The following PKNOX2 variants were observed in gnomAD, a reference collection of about 807,000 sequenced individuals.
The protein encoded by PKNOX2 is homeobox protein PKNOX2.
Under a neutral mutation model 53.1 loss-of-function variants are expected in PKNOX2, and 14 were observed. The ratio of observed to expected loss-of-function variants is 0.26; its 90% CI spans 0.17 to 0.41. The LOEUF (loss-of-function observed/expected upper bound fraction) is 0.41, where lower values mean the gene tolerates loss of function less well. Among genes scored for constraint, PKNOX2 ranks in the 10% least tolerant of loss-of-function variants. The pLI is 1.00. For missense variants in PKNOX2, 496 were observed against 602.8 expected (o/e 0.82, Z 1.85); for synonymous variants, 257 against 242.8 (o/e 1.06, Z -0.54).
intron 2 of PKNOX2, among the ~76,000 whole-genome samples, chr11:125,300,928 G>A (rs1426155): frequency 0.22 from 34,146 of 152,080 alleles, 4,297 homozygotes; most frequent in East Asian, 0.39. Context: ...TACACTTCTG[G>A]CCTAGGTGTC....
chr11:125,379,342 C>T (rs1290151257), intron 5 of PKNOX2, among the ~76,000 whole-genome samples: 1 of 152,166 alleles, frequency 6.6e-6, no homozygotes, highest in Non-Finnish European at 1.5e-5. Context: ...GGATTACAGG[C>T]GTGAGCCACC....
chr11:125,396,056 C>T (rs1954378431), intron 6 of PKNOX2, among the ~76,000 whole-genome samples: 2 of 151,580 alleles, frequency 1.3e-5, no homozygotes, highest in South Asian at 4.2e-4. Context: ...TGGGTTCAAG[C>T]GATTCTCCTG....
At chr11:125,198,439 G>C (rs1317781068) in intron 1 of PKNOX2, among the ~76,000 whole-genome samples, 2 of 152,146 alleles carry the variant, frequency 1.3e-5, no homozygotes, top group African/African-American at 4.8e-5. Flanking sequence ...CGGTGCATGG[G>C]GACAATTTCT....
At chr11:125,224,626 C>T (rs1295157599) in intron 1 of PKNOX2, among the ~76,000 whole-genome samples, 2 of 152,238 alleles carry the variant, frequency 1.3e-5, no homozygotes, top group Non-Finnish European at 2.9e-5. Flanking sequence ...AAATTAGTGG[C>T]TAAGAACAAT....
chr11:125,296,154 G>A (rs1947642411), intron 2 of PKNOX2, among the ~76,000 whole-genome samples: 2 of 152,032 alleles, frequency 1.3e-5, no homozygotes, highest in Admixed American at 1.3e-4. Context: ...AGAGCCTCCC[G>A]ACTTCTTCCC....
At chr11:125,218,768 C>T (rs1016094749) in intron 1 of PKNOX2, among the ~76,000 whole-genome samples, 8 of 152,152 alleles carry the variant, frequency 5.3e-5, no homozygotes, top group Non-Finnish European at 7.4e-5. Flanking sequence ...AAGCCTTAGA[C>T]TGTAAGTAGC....
chr11:125,398,956 T>C (rs1227791196), intron 7 of PKNOX2, among the ~76,000 whole-genome samples: 4 of 152,216 alleles, frequency 2.6e-5, no homozygotes, highest in African/African-American at 9.6e-5. Flanking sequence ...CGAGAGGTGC[T>C]GGAAGTAGTG....
intron 2 of PKNOX2, among the ~76,000 whole-genome samples, chr11:125,256,039 C>T (rs1944383360): frequency 6.6e-6 from 1 of 151,952 alleles, no homozygotes; most frequent in Non-Finnish European, 1.5e-5. Context: ...TGCTCCTCGG[C>T]CCTGAGTTCT....
At chr11:125,314,473 C>G (rs1380560901) in intron 2 of PKNOX2, among the ~76,000 whole-genome samples, 1 of 152,156 alleles carries the variant, frequency 6.6e-6, no homozygotes, top group East Asian at 1.9e-4. Context: ...GTTTCTCCTC[C>G]TGGGAGCATG....
At chr11:125,392,851 G>A (rs1591554140) in intron 6 of PKNOX2, among the ~76,000 whole-genome samples, 2 of 152,162 alleles carry the variant, frequency 1.3e-5, no homozygotes, top group South Asian at 2.1e-4. Context: ...AATGACGATC[G>A]TTTTTGTCTA....
chr11:125,255,070 C>A (rs577874181), intron 2 of PKNOX2, among the ~76,000 whole-genome samples: 2 of 152,332 alleles, frequency 1.3e-5, no homozygotes, highest in African/African-American at 2.4e-5. Flanking sequence ...AGCAAGTATT[C>A]CAGATTAATG....
At chr11:125,401,458 C>T (rs937652538) in intron 7 of PKNOX2, among the ~76,000 whole-genome samples, 1 of 152,054 alleles carries the variant, frequency 6.6e-6, no homozygotes, top group Non-Finnish European at 1.5e-5. Context: ...CTGCCACTGC[C>T]TGCTTTGCTC....
rs373149069 is a variant in PKNOX2, at chr11:125,306,682, G to A, written c.-129-25137G>A. 1.4e-4 allele frequency among the ~76,000 whole-genome samples: 22 copies of A among 152,314 alleles called. No individual in the cohort carries two copies. In the East Asian group the frequency reaches 2.1e-3, roughly 15 times the overall value. On this transcript the variant is annotated intron_variant, in intron 2 of 12. Transcript: ENST00000298282. ...GAGGAATAAATGACTTGCCGAGTGT[G>A]CTGAGGCAGTGGGGGTGGAGGAGAG... is the stretch of plus-strand genomic sequence containing the variant.
intron 5 of PKNOX2, among the ~76,000 whole-genome samples, chr11:125,371,530 C>T (rs1952545499): frequency 6.6e-6 from 1 of 152,056 alleles, no homozygotes; most frequent in Non-Finnish European, 1.5e-5. Context: ...ATCCAGCTTT[C>T]CCTCCCCCTC....
At chr11:125,270,624 G>A (rs1049621204) in intron 2 of PKNOX2, among the ~76,000 whole-genome samples, 7 of 151,928 alleles carry the variant, frequency 4.6e-5, no homozygotes, top group Admixed American at 3.3e-4. Context: ...TAATACACTC[G>A]AAAAAAAATT....
intron 7 of PKNOX2, among the ~76,000 whole-genome samples, chr11:125,406,193 G>A (rs1265435277): frequency 6.6e-6 from 1 of 152,208 alleles, no homozygotes; most frequent in Non-Finnish European, 1.5e-5. Flanking sequence ...TCCCCACGGG[G>A]TTTCCACCGC....
At chr11:125,310,115 T>G (rs959886355) in intron 2 of PKNOX2, among the ~76,000 whole-genome samples, 1 of 151,884 alleles carries the variant, frequency 6.6e-6, no homozygotes, top group Admixed American at 6.5e-5. Context: ...ATGTGTGTGT[T>G]TTTTTAAAGG....
chr11:125,342,764 T>C (rs879300057), intron 3 of PKNOX2, among the ~76,000 whole-genome samples: 15 of 149,528 alleles, frequency 1.0e-4, no homozygotes, highest in Non-Finnish European at 4.5e-5. Context: ...CACATGATAG[T>C]GTCTCTGGGG....
Position 125,422,933 on chromosome 11 carries a change from G to A in PKNOX2, c.937-6079G>A, listed in dbSNP as rs570431741. On this transcript the variant is annotated intron_variant, in intron 10 of 12. Transcript: ENST00000298282. The surrounding 1 kb of genome is among the most constrained non-coding windows in gnomAD (Gnocchi z 4.1). ...CTTCTTCAGAGACACAGCCACATGC[G>A]TCAAGCTACAGACTTATTTGTTATT... 8.5e-5 allele frequency among the ~76,000 whole-genome samples: 13 copies of A among 152,116 alleles called. No homozygotes were observed. Among genetic ancestry groups the A allele is most frequent in the South Asian group, 4.1e-4 (2 of 4,824 alleles).
Sources: gnomAD v4.1 joint callset for allele counts (sites outside exome capture counted in the v4.1 genomes callset) on GRCh38, gnomAD v4.1.1 for gene constraint, Gnocchi (gnomAD v3.1) non-coding constraint, MANE v1.5 for transcripts, NCBI Gene and HGNC (gene_info 2026-07-23, HGNC 2026-07-21) for gene names.